SC5D: variants seen among roughly 807,000 people sequenced by gnomAD.
SC5D encodes sterol-C5-desaturase.
In SC5D, 21 loss-of-function variants were observed where a neutral mutation model predicts 23.9. That is an observed-to-expected ratio of 0.88 (90% CI 0.62 to 1.26). SC5D has a LOEUF of 1.26. Ranked by LOEUF, SC5D falls within the 50% of genes most tolerant of loss-of-function variation. The pLI, the probability that SC5D is intolerant of heterozygous loss-of-function variation, is 0.00. For missense variants in SC5D, 309 were observed against 364.8 expected, an observed-to-expected ratio of 0.85 and a Z score of 1.25; for synonymous variants, 113 against 125.9, an observed-to-expected ratio of 0.90 and a Z score of 0.68.
chr11:121,303,126 G>T (rs762494033), intron 1 of SC5D, among the ~76,000 whole-genome samples: 1 of 152,086 alleles, frequency 6.6e-6, no homozygotes, highest in Non-Finnish European at 1.5e-5. Context: ...CCTTTCCTGG[G>T]CCTCAGTTTC....
intron 3 of SC5D, 79 bp from the exon 4 acceptor site, chr11:121,306,307 C>A: frequency 1.3e-6 from 1 of 750,544 alleles, no homozygotes; most frequent in Non-Finnish European, 2.4e-6. Flanking sequence ...CCATTTTGCA[C>A]TCAGATGGAC....
At chr11:121,304,552 A>G (rs943181880) in intron 3 of SC5D, 59 bp downstream of exon 3, 3 of 1,505,268 alleles carry the variant, frequency 2.0e-6, no homozygotes, top group Non-Finnish European at 2.8e-6. Context: ...TAGTTTCCTT[A>G]AAAAAACAAG....
At position 121,292,789 on chromosome 11, in the gene SC5D, G is replaced by C. The variant is rs570461770; in HGVS notation, c.-38G>C. On this transcript the variant is annotated 5_prime_UTR_variant, in exon 1 of 5. Transcript: ENST00000264027. ...CTAGGACAGTTTGCAGAGCAGTGGC[G>C]TGCGGAGCGGCGGCGGACCACCTCC... 7.9e-5 allele frequency: 12 copies of C among 152,690 alleles called. No homozygotes were observed. The highest frequency in any genetic ancestry group is 7.2e-4 in the Admixed American group (11 of 15,314). 9.5% of individuals were successfully genotyped at this position (152,690 alleles called of 1,614,324 possible). A position where few individuals can be genotyped will look rare whatever the true frequency, so the allele number is the denominator to read the frequency against.
At chr11:121,306,241 T>G in intron 3 of SC5D, 145 bp from the exon 4 acceptor site, 1 of 662,542 alleles carries the variant, frequency 1.5e-6, no homozygotes, top group Non-Finnish European at 2.8e-6. Flanking sequence ...AGAGATTAGT[T>G]TATAATATAC....
At chr11:121,305,007 T>C (rs1190417745) in intron 3 of SC5D, 1 of 167,772 alleles carries the variant, frequency 6.0e-6, no homozygotes, top group Non-Finnish European at 1.3e-5. Flanking sequence ...TGTATTTTCA[T>C]GTCAAAAAAA....
chr11:121,300,720 G>A (rs1260958252), intron 1 of SC5D, among the ~76,000 whole-genome samples: 1 of 152,194 alleles, frequency 6.6e-6, no homozygotes, highest in Admixed American at 6.5e-5. Flanking sequence ...CAAGAAAGGG[G>A]AGAAGGCCCT....
Position 121,307,452 on chromosome 11 carries a change from T to G in SC5D, c.840T>G (p.His280Gln). ...KEMTEGKRSS[H>Q]SGNGCKNEKL... is the part of the protein sequence containing the mutation. The stretch of plus-strand genomic sequence containing the variant: ...TGACAGAGGGAAAGCGCAGCAGCCA[T>G]TCAGGAAATGGCTGTAAGAATGAAA... Residue 280 changes from histidine to glutamine, a missense_variant, in exon 5 of 5, where the codon CAT becomes CAG. Physicochemically the swap from His to Gln is conservative, Grantham distance 24. Coordinates refer to ENST00000264027, the MANE Select transcript of SC5D (RefSeq NM_006918.5). 3 of 1,609,996 alleles carry G rather than the reference T, an allele frequency of 1.9e-6. No individual in the cohort carries two copies. The highest frequency in any genetic ancestry group is 2.5e-6 in the Non-Finnish European group (3 of 1,178,410).
At chr11:121,297,851 A>G (rs1947900091) in intron 1 of SC5D, among the ~76,000 whole-genome samples, 1 of 152,244 alleles carries the variant, frequency 6.6e-6, no homozygotes, top group East Asian at 1.9e-4. Flanking sequence ...AGTATTAACA[A>G]GGAAGAATTC....
chr11:121,312,000 C>T lies in SC5D; in HGVS notation c.*4488C>T, dbSNP rs542252668. Among the ~76,000 whole-genome samples, 4 of 152,244 alleles carry T rather than the reference C, an allele frequency of 2.6e-5. No homozygotes were observed. The South Asian group carries it at 6.2e-4, about 24-fold the overall frequency. ...AAAATCGTATAAGTAAAACTAACATCGTTAACATTATTTACTGTAAGTTAT... is the reference window on the plus strand; with the variant it reads ...AAAATCGTATAAGTAAAACTAACATTGTTAACATTATTTACTGTAAGTTAT... On this transcript the variant is annotated 3_prime_UTR_variant, in exon 5 of 5. Coordinates refer to ENST00000264027, the MANE Select transcript of SC5D (RefSeq NM_006918.5).
At chr11:121,306,107 G>C (rs1430866256) in intron 3 of SC5D, 3 of 379,510 alleles carry the variant, frequency 7.9e-6, no homozygotes, top group Non-Finnish European at 1.5e-5. Flanking sequence ...AAATAATAAA[G>C]ATGTCTTAGG....
rs1948016761 is a variant in SC5D, at chr11:121,312,314, A to G, written c.*4802A>G. ...TGCTTTATTAAAATACATTTAAAAT[A>G]CAGCATTTTTAAATCTCTAAGCTCA... On this transcript the variant is annotated 3_prime_UTR_variant, in exon 5 of 5. Coordinates refer to ENST00000264027, the MANE Select transcript of SC5D (RefSeq NM_006918.5). 6.6e-6 allele frequency among the ~76,000 whole-genome samples: 1 copy of G among 152,212 alleles called. No individual in the cohort carries two copies. The highest frequency in any genetic ancestry group is 2.4e-5 in the African/African-American group (1 of 41,460).
rs1183710748 is a variant in SC5D at position 121,308,241 on chromosome 11, GATT to G, written c.*736_*738del. 1 of 152,102 alleles carries G rather than the reference GATT, an allele frequency of 6.6e-6. No homozygotes were observed. Among genetic ancestry groups the G allele is most frequent in the Non-Finnish European group, 1.5e-5 (1 of 68,030 alleles). 9.4% of individuals were successfully genotyped at this position (152,102 alleles called of 1,614,324 possible). A position where few individuals can be genotyped will look rare whatever the true frequency, so the allele number is the denominator to read the frequency against. On this transcript the variant is annotated 3_prime_UTR_variant, in exon 5 of 5. Transcript: ENST00000264027. The stretch of plus-strand genomic sequence containing the variant: ...GGATTATGTAGCTAAACATTGTGAT[GATT>G]ATTATTTAAAACCATTATTTAATAA...
At position 121,298,043 on chromosome 11, in the gene SC5D, C is replaced by T. The variant is rs530455592; in HGVS notation, c.-11+5227C>T. Among the ~76,000 whole-genome samples the T allele has an allele frequency of 1.6e-3, 243 of 152,264 alleles. 1 individual carries two copies. The highest frequency in any genetic ancestry group is 5.6e-3 in the African/African-American group (232 of 41,546). ...TTTTTCTTTGGGTCTTGCTCTGTTGCCCAGGCTGGAGTTCAGTGGCACGAA... is the reference window on the plus strand; with the variant it reads ...TTTTTCTTTGGGTCTTGCTCTGTTGTCCAGGCTGGAGTTCAGTGGCACGAA... On this transcript the variant is annotated intron_variant, in intron 1 of 4. Coordinates refer to ENST00000264027, the MANE Select transcript of SC5D (RefSeq NM_006918.5).
Position 121,306,389 on chromosome 11 carries a change from T to G in SC5D, c.347T>G (p.Leu116Trp). 6.7e-7 allele frequency: 1 copy of G among 1,494,012 alleles called. No individual in the cohort carries two copies. Among genetic ancestry groups the G allele is most frequent in the South Asian group, 1.1e-5 (1 of 88,588 alleles). The allele number at this position is 1,494,012 out of a possible 1,614,324, so 92.5% of individuals were successfully genotyped here. A position where few individuals can be genotyped will look rare whatever the true frequency, so the allele number is the denominator to read the frequency against. The change falls in exon 4 of 5, where the codon TTG (leucine) becomes TGG (tryptophan). Residue 116 changes from leucine to tryptophan, a missense_variant. Leu to Trp is a moderately conservative substitution (Grantham distance 61). Transcript: ENST00000264027. ...HDDLGEFPYG[L>W]FELVVSIISF... is the part of the protein sequence containing the mutation. Reference sequence around the variant, plus strand: ...TGTTTCCCGTTTTCTTTTCTAGGATTGTTTGAACTTGTCGTTAGTATAATA... The same window carrying G: ...TGTTTCCCGTTTTCTTTTCTAGGATGGTTTGAACTTGTCGTTAGTATAATA...
Position 121,294,397 on chromosome 11 carries a change from G to A in SC5D, c.-11+1581G>A, listed in dbSNP as rs140423398. Reference sequence around the variant, plus strand: ...CTTTGCAACTAGATTGTGTGTATTTGAATCCTAGCTCCAGCATTTATTTAC... The same window carrying A: ...CTTTGCAACTAGATTGTGTGTATTTAAATCCTAGCTCCAGCATTTATTTAC... On this transcript the variant is annotated intron_variant, in intron 1 of 4. Transcript: ENST00000264027. 7.8e-3 allele frequency among the ~76,000 whole-genome samples: 1,195 copies of A among 152,258 alleles called. 8 individuals carry two copies. The highest frequency in any genetic ancestry group is 0.013 in the Non-Finnish European group (854 of 68,012).
chr11:121,306,479 T>A lies in SC5D; in HGVS notation c.437T>A (p.Val146Glu). The A allele has an allele frequency of 7.0e-7, 1 of 1,435,462 alleles. No homozygotes were observed. Among genetic ancestry groups the A allele is most frequent in the East Asian group, 2.3e-5 (1 of 43,874 alleles). The allele number at this position is 1,435,462 out of a possible 1,614,324, so 88.9% of individuals were successfully genotyped here. Residue 146 changes from valine to glutamate, a missense_variant, in exon 4 of 5, where the codon GTA becomes GAA. Coordinates refer to ENST00000264027, the MANE Select transcript of SC5D (RefSeq NM_006918.5). ...CACAGAGGCCTTCATCATAGACTGG[T>A]ATATAAGGTAAAGTCATTTGTGGTG... The part of the protein sequence containing the change: ...WIHRGLHHRL[V>E]YKRLHKPHHI...
chr11:121,303,227 G>A, intron 1 of SC5D, 139 bp from the exon 2 acceptor site: 1 of 677,498 alleles, frequency 1.5e-6, no homozygotes, highest in East Asian at 2.7e-5. Context: ...AAGATGGCAT[G>A]TAGGGGATTC....
At position 121,310,830 on chromosome 11, in the gene SC5D, C is replaced by A. The variant is rs1051449099; in HGVS notation, c.*3318C>A. 6.6e-6 allele frequency among the ~76,000 whole-genome samples: 1 copy of A among 152,148 alleles called. No individual in the cohort carries two copies. The highest frequency in any genetic ancestry group is 2.4e-5 in the African/African-American group (1 of 41,420). On this transcript the variant is annotated 3_prime_UTR_variant, in exon 5 of 5. Coordinates refer to ENST00000264027, the MANE Select transcript of SC5D (RefSeq NM_006918.5). The stretch of plus-strand genomic sequence containing the variant: ...TTGAAAGCAGCAACTGGGGACTCAG[C>A]AGACACCAAACCAACTGGTGCTTAA...
At chr11:121,305,801 T>G (rs1947959972) in intron 3 of SC5D, 1 of 150,414 alleles carries the variant, frequency 6.6e-6, no homozygotes, top group South Asian at 2.1e-4. Flanking sequence ...CTTTGAAAAA[T>G]GGATATGATT....
Sources: gnomAD v4.1 joint callset for allele counts (sites outside exome capture counted in the v4.1 genomes callset) on GRCh38, gnomAD v4.1.1 for gene constraint, MANE v1.5 for transcripts, NCBI Gene and HGNC (gene_info 2026-07-23, HGNC 2026-07-21) for gene names.